NPAS3: variants seen among roughly 807,000 people sequenced by gnomAD.
The protein encoded by NPAS3 is neuronal PAS domain-containing protein 3.
NPAS3 carries 14 observed loss-of-function variants against 73.1 expected under a neutral mutation model. The observed-to-expected ratio is 0.19, with a 90% CI of 0.13 to 0.30. The LOEUF is 0.30. Among genes scored for constraint, NPAS3 ranks in the 10% least tolerant of loss-of-function variants. NPAS3 has a pLI of 1.00. For synonymous variants in NPAS3, 620 were observed against 541.5 expected (o/e 1.14, Z -2.01); for missense variants, 1,096 against 1,250.0 (o/e 0.88, Z 1.86).
At chr14:33,656,937 C>T (rs2059160589) in intron 5 of NPAS3, among the ~76,000 whole-genome samples, 1 of 152,136 alleles carries the variant, frequency 6.6e-6, no homozygotes. Flanking sequence ...GTGTTCATTG[C>T]AGCCTTATTC....
chr14:33,696,623 T>A (rs2060389694), intron 6 of NPAS3, among the ~76,000 whole-genome samples: 2 of 152,220 alleles, frequency 1.3e-5, no homozygotes, highest in Admixed American at 1.3e-4. Flanking sequence ...TAGCAGCTGC[T>A]GTTGACTTCA....
At chr14:33,676,998 C>G (rs2059788679) in intron 6 of NPAS3, among the ~76,000 whole-genome samples, 1 of 152,094 alleles carries the variant, frequency 6.6e-6, no homozygotes, top group South Asian at 2.1e-4. Context: ...CTCTTATAGA[C>G]TTTGCATTCA....
intron 6 of NPAS3, among the ~76,000 whole-genome samples, chr14:33,682,395 G>C (rs896822890): frequency 2.0e-5 from 3 of 152,128 alleles, no homozygotes; most frequent in Non-Finnish European, 4.4e-5. Flanking sequence ...TCATCATTTA[G>C]GCATAAACAC....
intron 4 of NPAS3, among the ~76,000 whole-genome samples, chr14:33,514,383 A>G (rs994232005): frequency 3.9e-5 from 6 of 152,020 alleles, no homozygotes; most frequent in Non-Finnish European, 8.8e-5. Context: ...TATCTGAGTC[A>G]CAGATAAGGG....
chr14:33,171,792 A>G (rs928678257), intron 2 of NPAS3, among the ~76,000 whole-genome samples: 6 of 152,214 alleles, frequency 3.9e-5, no homozygotes, highest in Non-Finnish European at 8.8e-5. Flanking sequence ...CAAGTGACCT[A>G]GCTTTTGGCC....
intron 2 of NPAS3, among the ~76,000 whole-genome samples, chr14:33,153,797 G>T (rs1028214592): frequency 6.6e-6 from 1 of 152,104 alleles, no homozygotes; most frequent in Non-Finnish European, 1.5e-5. Context: ...TGTGTCTTCT[G>T]TGGTGTTTTG....
At chr14:33,789,697 T>A (rs954691704) in intron 9 of NPAS3, among the ~76,000 whole-genome samples, 1 of 144,034 alleles carries the variant, frequency 6.9e-6, no homozygotes, top group Non-Finnish European at 1.5e-5. Context: ...CACGCCATTC[T>A]CCTGCCTCAG....
At chr14:33,703,359 T>C (rs2060573313) in intron 6 of NPAS3, among the ~76,000 whole-genome samples, 1 of 152,054 alleles carries the variant, frequency 6.6e-6, no homozygotes, top group African/African-American at 2.4e-5. Context: ...TCAGGCTTAG[T>C]GGCATGTACC....
intron 1 of NPAS3, among the ~76,000 whole-genome samples, chr14:33,030,558 GT>G (rs1437472175): frequency 3.9e-5 from 6 of 152,158 alleles, no homozygotes; most frequent in Non-Finnish European, 8.8e-5. Flanking sequence ...GTCATTCAGT[GT>G]TGTAATAGCA....
exon 6 of NPAS3, chr14:33,676,325 A>G: frequency 6.2e-7 from 1 of 1,608,392 alleles, no homozygotes; most frequent in Admixed American, 1.7e-5. Context: ...GTCACAGGGC[A>G]CTGCTGAGGA....
chr14:33,110,622 A>C (rs2042860274), intron 2 of NPAS3, among the ~76,000 whole-genome samples: 1 of 152,180 alleles, frequency 6.6e-6, no homozygotes, highest in Non-Finnish European at 1.5e-5. Context: ...GTTTGAATTT[A>C]CTTTGCATCA....
intron 8 of NPAS3, among the ~76,000 whole-genome samples, chr14:33,777,113 G>A (rs148829441): frequency 1.3e-5 from 2 of 152,242 alleles, no homozygotes; most frequent in South Asian, 2.1e-4. Flanking sequence ...AGGCAAAGCC[G>A]ACATCTAATG....
intron 1 of NPAS3, among the ~76,000 whole-genome samples, chr14:32,947,943 G>T (rs1377001541): frequency 6.6e-6 from 1 of 152,020 alleles, no homozygotes; most frequent in Non-Finnish European, 1.5e-5. Flanking sequence ...TAACAGTCTG[G>T]CAGTGAGCCT....
At chr14:33,164,041 A>G (rs2045025333) in intron 2 of NPAS3, among the ~76,000 whole-genome samples, 2 of 152,246 alleles carry the variant, frequency 1.3e-5, no homozygotes. Context: ...TCTTTTAGAA[A>G]GAGCTTGCCT....
At chr14:33,459,642 G>A (rs1566922477) in intron 4 of NPAS3, among the ~76,000 whole-genome samples, 1 of 152,190 alleles carries the variant, frequency 6.6e-6, no homozygotes. Context: ...GATCAAAGGA[G>A]TGTTGGTAAA....
intron 4 of NPAS3, among the ~76,000 whole-genome samples, chr14:33,459,923 A>G (rs1001449305): frequency 3.9e-5 from 6 of 152,070 alleles, no homozygotes; most frequent in African/African-American, 1.4e-4. Flanking sequence ...AACAGTAGAG[A>G]TTATTTCTGC....
intron 4 of NPAS3, among the ~76,000 whole-genome samples, chr14:33,403,682 C>T (rs138037735): frequency 2.6e-4 from 39 of 152,092 alleles, no homozygotes; most frequent in African/African-American, 8.2e-4. Context: ...ATTTTATCTT[C>T]TCACCCACTC....
chr14:33,514,508 A>T (rs531734084), intron 4 of NPAS3, among the ~76,000 whole-genome samples: 1 of 152,032 alleles, frequency 6.6e-6, no homozygotes, highest in Non-Finnish European at 1.5e-5. Flanking sequence ...TTCTTCTCCT[A>T]AAAAGGCATA....
chr14:33,541,540 T>G (rs1168660372), intron 4 of NPAS3, among the ~76,000 whole-genome samples: 3 of 152,192 alleles, frequency 2.0e-5, no homozygotes, highest in African/African-American at 7.2e-5. Context: ...TTTTCTTAGC[T>G]TCACGCATAG....
Sources: allele counts gnomAD v4.1 joint callset (sites outside exome capture counted in the v4.1 genomes callset), GRCh38; gene constraint gnomAD v4.1.1; transcripts MANE v1.5; gene names NCBI Gene and HGNC (gene_info 2026-07-23, HGNC 2026-07-21).